Variants in IL1RAPL1 observed in about 807,000 individuals in gnomAD.
IL1RAPL1 encodes the protein interleukin-1 receptor accessory protein-like 1.
IL1RAPL1 carries 3 observed loss-of-function variants against 48.4 expected under a neutral mutation model. That is an observed-to-expected ratio of 0.06 (90% confidence interval 0.03 to 0.16). The LOEUF is 0.16. Ranked by LOEUF, IL1RAPL1 falls within the 10% of genes least tolerant of loss-of-function variation. The pLI is 1.00. For synonymous variants in IL1RAPL1, 185 were observed against 187.7 expected, an observed-to-expected ratio of 0.99 and a Z score of 0.12; for missense variants, 349 against 530.6, an observed-to-expected ratio of 0.66 and a Z score of 3.36.
chrX:29,284,523 A>G (rs1932250917), intron 3 of IL1RAPL1, among the ~76,000 whole-genome samples: 1 of 112,084 alleles, frequency 8.9e-6, no homozygotes, highest in South Asian at 3.7e-4. Flanking sequence ...CAGGCAGATC[A>G]CTTTAGGCGA....
At chrX:29,252,204 A>T (rs766855368) in intron 2 of IL1RAPL1, among the ~76,000 whole-genome samples, 2 of 112,460 alleles carry the variant, frequency 1.8e-5, no homozygotes, top group East Asian at 2.7e-4. Flanking sequence ...AGCATGGCAC[A>T]TGTATACATA....
chrX:29,430,474 A>T (rs1271650789), intron 5 of IL1RAPL1, among the ~76,000 whole-genome samples: 2 of 112,000 alleles, frequency 1.8e-5, no homozygotes, highest in Non-Finnish European at 3.8e-5. Context: ...CTATTAGTAC[A>T]TACAAATCTT....
intron 2 of IL1RAPL1, among the ~76,000 whole-genome samples, chrX:28,801,598 A>G (rs1036333838): frequency 3.6e-5 from 4 of 112,106 alleles, no homozygotes; most frequent in African/African-American, 1.3e-4. Context: ...GATCACAAAA[A>G]TTACATCTTT....
intron 6 of IL1RAPL1, among the ~76,000 whole-genome samples, chrX:29,674,801 T>G (rs1050050736): frequency 9.0e-6 from 1 of 111,676 alleles, no homozygotes; most frequent in African/African-American, 3.3e-5. Flanking sequence ...TTCCCACTTA[T>G]AAGTGAGAAC....
intron 6 of IL1RAPL1, among the ~76,000 whole-genome samples, chrX:29,832,709 T>G (rs1569181573): frequency 9.4e-6 from 1 of 106,213 alleles, no homozygotes; most frequent in Non-Finnish European, 1.9e-5. Context: ...GTTTTTGTTT[T>G]TTTTTTTTTT....
chrX:29,853,730 A>G lies in IL1RAPL1; in HGVS notation c.779-63734A>G, dbSNP rs187829920. 6.0e-3 allele frequency among the ~76,000 whole-genome samples: 672 copies of G among 111,825 alleles called. 3 individuals are homozygous for G. Among genetic ancestry groups the G allele is most frequent in the Non-Finnish European group, 0.01 (539 of 53,154 alleles). ...ATCGCTGTTCCATATATAACCATCT[A>G]TTCCTGATGGTGTAAAAGAAAACAT... On this transcript the variant is annotated intron_variant, in intron 6 of 10. Coordinates refer to ENST00000378993, the MANE Select transcript of IL1RAPL1 (RefSeq NM_014271.4).
intron 5 of IL1RAPL1, among the ~76,000 whole-genome samples, chrX:29,437,300 A>G (rs1317189136): frequency 9.0e-6 from 1 of 110,824 alleles, no homozygotes; most frequent in Non-Finnish European, 1.9e-5. Flanking sequence ...AAGCTAAGAT[A>G]GTCCAATATA....
intron 1 of IL1RAPL1, among the ~76,000 whole-genome samples, chrX:28,786,456 C>T (rs942874136): frequency 8.1e-5 from 9 of 111,528 alleles, no homozygotes; most frequent in South Asian, 3.7e-4. Context: ...CAGAGAGAGA[C>T]TCTGTCTCAA....
At chrX:28,823,105 A>T (rs1213633065) in intron 2 of IL1RAPL1, among the ~76,000 whole-genome samples, 1 of 111,076 alleles carries the variant, frequency 9.0e-6, no homozygotes, top group Non-Finnish European at 1.9e-5. Flanking sequence ...ACCTCTTGAG[A>T]TTTCTATAGT....
At chrX:29,510,129 AAC>A (rs1173915674) in intron 5 of IL1RAPL1, among the ~76,000 whole-genome samples, 1 of 112,323 alleles carries the variant, frequency 8.9e-6, no homozygotes, top group Non-Finnish European at 1.9e-5. Context: ...AATTTGTAAA[AAC>A]AGTTACTCTC....
intron 6 of IL1RAPL1, among the ~76,000 whole-genome samples, chrX:29,766,358 T>TAG (rs1569163231): frequency 4.1e-4 from 33 of 80,705 alleles, no homozygotes; most frequent in African/African-American, 1.9e-3. Context: ...TATATATATA[T>TAG]ATATAGATAG....
chrX:29,472,785 C>A (rs972042956), intron 5 of IL1RAPL1, among the ~76,000 whole-genome samples: 1 of 111,720 alleles, frequency 9.0e-6, no homozygotes, highest in African/African-American at 3.3e-5. Context: ...GAGATGATAA[C>A]ATGAAATGTA....
intron 2 of IL1RAPL1, among the ~76,000 whole-genome samples, chrX:29,144,355 C>A (rs1207220168): frequency 9.1e-6 from 1 of 109,957 alleles, no homozygotes; most frequent in Non-Finnish European, 1.9e-5. Context: ...GTAATCCCAG[C>A]ACTTTGGGAG....
At chrX:28,814,369 GTGTGTGTGTGTA>G (rs1432775507) in intron 2 of IL1RAPL1, among the ~76,000 whole-genome samples, 1 of 107,745 alleles carries the variant, frequency 9.3e-6, no homozygotes, top group Non-Finnish European at 1.9e-5. Context: ...GTGTGTGTGT[GTGTGTGTGTGTA>G]TGTGTATGTG....
At chrX:28,972,029 A>G (rs1925089615) in intron 2 of IL1RAPL1, among the ~76,000 whole-genome samples, 1 of 110,051 alleles carries the variant, frequency 9.1e-6, no homozygotes, top group African/African-American at 3.3e-5. Flanking sequence ...GCCACCACCA[A>G]ATTATATCTT....
chrX:29,332,605 A>G (rs746100821), intron 3 of IL1RAPL1, among the ~76,000 whole-genome samples: 1,267 of 80,052 alleles, frequency 0.016, 19 homozygotes, highest in African/African-American at 0.051. Context: ...AACTTGGCCC[A>G]TATTTTATTT....
At chrX:29,584,141 A>G (rs1054784487) in intron 5 of IL1RAPL1, among the ~76,000 whole-genome samples, 1 of 111,151 alleles carries the variant, frequency 9.0e-6, no homozygotes, top group East Asian at 2.9e-4. Context: ...TAACTTGTTT[A>G]TGCGGTCTTC....
intron 6 of IL1RAPL1, among the ~76,000 whole-genome samples, chrX:29,905,524 C>T (rs1441466006): frequency 1.0e-4 from 11 of 109,841 alleles, no homozygotes; most frequent in South Asian, 3.9e-4. Context: ...TTCTTTAATC[C>T]GTCTTGAGTT....
intron 5 of IL1RAPL1, among the ~76,000 whole-genome samples, chrX:29,431,980 A>T (rs1300910693): frequency 8.9e-6 from 1 of 111,765 alleles, no homozygotes; most frequent in Non-Finnish European, 1.9e-5. Context: ...AGTTTGTTTC[A>T]TATTAAATAA....
Sources: gnomAD v4.1 joint callset for allele counts (sites outside exome capture counted in the v4.1 genomes callset) on GRCh38, gnomAD v4.1.1 for gene constraint, MANE v1.5 for transcripts, NCBI Gene and HGNC (gene_info 2026-07-23, HGNC 2026-07-21) for gene names.